The following PSG11 variants were observed in gnomAD, a reference collection of about 807,000 sequenced individuals.
PSG11 encodes the protein pregnancy specific beta-1-glycoprotein 11, also known as pregnancy-specific beta-1-glycoprotein 11.
In PSG11, 42 loss-of-function variants were observed where a neutral mutation model predicts 36.0. That is an observed-to-expected ratio of 1.17 (90% CI 0.91 to 1.51). The LOEUF (loss-of-function observed/expected upper bound fraction) is 1.51, where lower values mean the gene tolerates loss of function less well. PSG11 is among the 40% of genes most tolerant of loss of function. The pLI, the probability that PSG11 is intolerant of heterozygous loss-of-function variation, is 0.00. For missense variants in PSG11, 558 were observed against 403.5 expected (o/e 1.38, Z -3.28); for synonymous variants, 206 against 153.5 (o/e 1.34, Z -2.53).
intron 4 of PSG11, among the ~76,000 whole-genome samples, chr19:43,012,843 G>T (rs1276658477): frequency 6.6e-6 from 1 of 151,410 alleles, no homozygotes; most frequent in African/African-American, 2.4e-5. Context: ...TGAAGAGGAA[G>T]AATGAAGCTG....
Position 43,011,754 on chromosome 19 carries a change from G to A in PSG11, c.965-1713C>T, listed in dbSNP as rs558718810. ...ATTAAAAAGCCAACTAGCTGCGCAT[G>A]GTGACATGCACCTGTAGTCCTAGCA... On this transcript the variant is annotated intron_variant, in intron 4 of 5. Transcript: ENST00000320078. 2.3e-4 allele frequency among the ~76,000 whole-genome samples: 34 copies of A among 150,876 alleles called. 1 individual carries two copies. The highest frequency in any genetic ancestry group is 3.4e-3 in the Middle Eastern group (1 of 292).
intron 2 of PSG11, chr19:43,024,391 G>A (rs567376954): frequency 3.9e-6 from 2 of 507,526 alleles, no homozygotes; most frequent in Non-Finnish European, 3.4e-6. Context: ...TCTTTCTCAG[G>A]GTCAAATTTA....
chr19:43,025,174 C>A (rs1282408093), intron 1 of PSG11, 118 bp from the exon 2 acceptor site: 1 of 1,391,924 alleles, frequency 7.2e-7, no homozygotes, highest in Non-Finnish European at 9.8e-7. Flanking sequence ...CACACACACA[C>A]ACACACACAC....
At chr19:43,023,936 G>A (rs1398167802) in intron 2 of PSG11, among the ~76,000 whole-genome samples, 2 of 151,464 alleles carry the variant, frequency 1.3e-5, no homozygotes, top group African/African-American at 4.9e-5. Context: ...CCATGAGAAA[G>A]CACCTTTACG....
rs1028188918 is a variant in PSG11 at position 43,023,267 on chromosome 19, G to A, written c.430+1424C>T. On this transcript the variant is annotated intron_variant, in intron 2 of 5. Transcript: ENST00000320078. ...CCTAGGATTCTGCATTCAAGATCCA[G>A]TCTCTAAAGAGGTTTTGGATCATTC... 4.0e-4 allele frequency among the ~76,000 whole-genome samples: 60 copies of A among 150,754 alleles called. 1 individual carries two copies. The highest frequency in any genetic ancestry group is 1.4e-3 in the African/African-American group (56 of 40,804).
rs759760052 is a variant in PSG11, at chr19:43,025,053, A to C, written c.68T>G (p.Leu23Ter). ...IKWKGLLLTA[L>*]LLNFWNLPTT... The stretch of plus-strand genomic sequence containing the variant: ...AGGCAAGTTCCAGAAGTTTAAAAGT[A>C]ATGCTAGGAGGTGGAGAGAGCATCA... Residue 23 changes from leucine to a stop codon, truncating the protein, a stop_gained, in exon 2 of 6, where the codon TTA becomes TGA. Transcript: ENST00000320078. LOFTEE classifies it high-confidence loss of function. The C allele has an allele frequency of 5.2e-5, 83 of 1,608,900 alleles. 1 individual carries two copies. Among genetic ancestry groups the C allele is most frequent in the Non-Finnish European group, 6.9e-5 (81 of 1,177,462 alleles).
chr19:43,016,112 A>T lies in PSG11; in HGVS notation c.710-742T>A, dbSNP rs929609609. The T allele has an allele frequency of 3.2e-6, 5 of 1,545,384 alleles. No individual in the cohort carries two copies. In the Admixed American group the frequency reaches 9.3e-5, roughly 29 times the overall value. ...TTGATTCCTCCACAGGCATCCTTCA[A>T]TCAGAGTTGGCATCTCCCACCTCTC... On this transcript the variant is annotated intron_variant, in intron 3 of 5. Coordinates refer to ENST00000320078, the MANE Select transcript of PSG11 (RefSeq NM_002785.3).
At chr19:43,023,764 T>C (rs1252130689) in intron 2 of PSG11, among the ~76,000 whole-genome samples, 1 of 151,216 alleles carries the variant, frequency 6.6e-6, no homozygotes, top group African/African-American at 2.4e-5. Flanking sequence ...GACTGTGCCT[T>C]CCTGTGCCTC....
At position 43,024,742 on chromosome 19, in the gene PSG11, G is replaced by C. The variant is rs769231823; in HGVS notation, c.379C>G (p.Arg127Gly). ...GTTACTCCTCTAGTCCCATCACCTCGCTTTATGATGTGTAAGGTGTAGGAT... is the reference window on the plus strand; with the variant it reads ...GTTACTCCTCTAGTCCCATCACCTCCCTTTATGATGTGTAAGGTGTAGGAT... ...AGSYTLHIIKRGDGTRGVTGY... is the reference protein window; with the variant it reads ...AGSYTLHIIKGGDGTRGVTGY... The change falls in exon 2 of 6, where the codon CGA becomes GGA. Residue 127 changes from arginine to glycine, a missense_variant. By Grantham distance (125) the Arg-to-Gly change is moderately radical (BLOSUM62 -2). Coordinates refer to ENST00000320078, the MANE Select transcript of PSG11 (RefSeq NM_002785.3). 5.8e-5 allele frequency: 93 copies of C among 1,611,544 alleles called. 1 individual carries two copies. The highest frequency in any genetic ancestry group is 7.3e-5 in the Non-Finnish European group (86 of 1,178,934).
intron 2 of PSG11, 200 bp from the exon 3 acceptor site, chr19:43,019,248 A>T: frequency 8.4e-7 from 1 of 1,189,220 alleles, no homozygotes; most frequent in Non-Finnish European, 1.1e-6. Context: ...TATGTGGGAG[A>T]AGCACAGACT....
rs1012286803 is a variant in PSG11 at position 43,010,413 on chromosome 19, C to T, written c.965-372G>A. The stretch of plus-strand genomic sequence containing the variant: ...AGTCATGAATGAGACTCTGTCAGAT[C>T]TCCATGGCAGGGACCTGATTGACAG... On this transcript the variant is annotated intron_variant, in intron 4 of 5. Transcript: ENST00000320078. 9 of 1,538,364 alleles carry T rather than the reference C, an allele frequency of 5.9e-6. No homozygotes were observed. In the Admixed American group the frequency reaches 1.5e-4, roughly 25 times the overall value.
At chr19:43,021,737 A>G (rs927053358) in intron 2 of PSG11, among the ~76,000 whole-genome samples, 1 of 151,542 alleles carries the variant, frequency 6.6e-6, no homozygotes, top group Non-Finnish European at 1.5e-5. Context: ...CAAGCTTGTC[A>G]TATGCCTGAC....
At chr19:43,009,058 T>G (rs1974005121) in intron 5 of PSG11, among the ~76,000 whole-genome samples, 1 of 151,230 alleles carries the variant, frequency 6.6e-6, no homozygotes, top group Admixed American at 6.6e-5. Flanking sequence ...TGGCATTCAA[T>G]TTTTTCTATT....
intron 4 of PSG11, 67 bp downstream of exon 4, chr19:43,015,049 C>G (rs1447000002): frequency 1.4e-5 from 23 of 1,609,454 alleles, no homozygotes; most frequent in Non-Finnish European, 1.8e-5. Context: ...GTTTTCCTGA[C>G]TCTTCTCTGA....
At chr19:43,018,077 T>G (rs1169439277) in intron 3 of PSG11, among the ~76,000 whole-genome samples, 1 of 151,298 alleles carries the variant, frequency 6.6e-6, no homozygotes, top group Non-Finnish European at 1.5e-5. Flanking sequence ...TAGACTTCCC[T>G]GGAAAACATA....
chr19:43,023,532 G>T (rs1341391630), intron 2 of PSG11, among the ~76,000 whole-genome samples: 1 of 151,204 alleles, frequency 6.6e-6, no homozygotes, highest in African/African-American at 2.4e-5. Context: ...GTTGAAGCAG[G>T]TGATTTAGTT....
rs113887292 is a variant in PSG11, at chr19:43,024,540, C to T, written c.430+151G>A. The T allele has an allele frequency of 1.1e-5, 16 of 1,441,856 alleles. 1 individual carries two copies. Among genetic ancestry groups the T allele is most frequent in the Non-Finnish European group, 1.5e-5 (16 of 1,045,912 alleles). 89.3% of individuals were successfully genotyped at this position (1,441,856 alleles called of 1,614,324 possible). A position where few individuals can be genotyped will look rare whatever the true frequency, so the allele number is the denominator to read the frequency against. On this transcript the variant is annotated intron_variant, in intron 2 of 5. Transcript: ENST00000320078. ...TCTGATCTGTTGAAATTTGTCTCCT[C>T]TGTGTGTGTCCTGCACTAAATGCCC...
intron 3 of PSG11, among the ~76,000 whole-genome samples, chr19:43,017,924 T>C (rs1445416941): frequency 6.6e-6 from 1 of 151,462 alleles, no homozygotes. Flanking sequence ...ATTGTTAGTG[T>C]ATAGTCTAAA....
At chr19:43,015,785 C>G (rs1375951689) in intron 3 of PSG11, 3 of 1,610,176 alleles carry the variant, frequency 1.9e-6, no homozygotes, top group African/African-American at 1.3e-5. Flanking sequence ...TTCAGGGTGA[C>G]TGAGTCACTG....
Sources: allele counts gnomAD v4.1 joint callset (sites outside exome capture counted in the v4.1 genomes callset), GRCh38; gene constraint gnomAD v4.1.1; transcripts MANE v1.5; gene names NCBI Gene and HGNC (gene_info 2026-07-23, HGNC 2026-07-21).